AGGF1: variants seen among roughly 807,000 people sequenced by gnomAD.
AGGF1 encodes angiogenic factor with G-patch and FHA domains 1.
In AGGF1, 56 loss-of-function variants were observed where a neutral mutation model predicts 86.5. That is an observed-to-expected ratio of 0.65 (90% CI 0.52 to 0.81). The LOEUF (loss-of-function observed/expected upper bound fraction) is 0.81, where lower values mean the gene tolerates loss of function less well. Among genes scored for constraint, AGGF1 ranks in the 30% least tolerant of loss-of-function variants. The pLI, the probability that AGGF1 is intolerant of heterozygous loss-of-function variation, is 0.00. For synonymous variants in AGGF1, 313 were observed against 297.1 expected (o/e 1.05, Z -0.55); for missense variants, 816 against 850.9 (o/e 0.96, Z 0.51).
chr5:77,059,470 C>T (rs1191734404), intron 11 of AGGF1, 146 bp from the exon 12 acceptor site: 4 of 752,456 alleles, frequency 5.3e-6, no homozygotes, highest in African/African-American at 3.5e-5. Context: ...GCATGAGCCA[C>T]CTGTAATTTC....
intron 1 of AGGF1, among the ~76,000 whole-genome samples, chr5:77,033,737 G>A (rs10474486): frequency 0.16 from 23,850 of 152,196 alleles, 2,553 homozygotes; most frequent in Non-Finnish European, 0.21. Context: ...AGTAGACATT[G>A]TCTCACATTG....
chr5:77,058,085 C>T (rs757893328), intron 11 of AGGF1, among the ~76,000 whole-genome samples: 8 of 152,148 alleles, frequency 5.3e-5, no homozygotes, highest in Non-Finnish European at 1.0e-4. Context: ...GAGACAAGGA[C>T]ACTTTTGGGA....
chr5:77,059,897 A>G (rs1747524644), intron 12 of AGGF1, among the ~76,000 whole-genome samples, 154 bp downstream of exon 12: 1 of 152,208 alleles, frequency 6.6e-6, no homozygotes, highest in Non-Finnish European at 1.5e-5. Flanking sequence ...GCTGGAGTGC[A>G]GTGGTGTGGT....
chr5:77,052,696 A>G lies in AGGF1; in HGVS notation c.1366-10A>G, dbSNP rs1240710230. On this transcript the variant is annotated splice_polypyrimidine_tract_variant and intron_variant, in intron 8 of 13. Transcript: ENST00000312916. ...TAATAATTAATAATTGCTTGATTTC[A>G]CTTTCTAAGTTTCATGCAGAAATTT... The G allele has an allele frequency of 6.3e-7, 1 of 1,595,842 alleles. No individual in the cohort carries two copies. The highest frequency in any genetic ancestry group is 8.6e-7 in the Non-Finnish European group (1 of 1,164,084).
At chr5:77,042,480 CGGGCGGGGGGCTG>C (rs1747116750) in intron 5 of AGGF1, among the ~76,000 whole-genome samples, 1 of 62,042 alleles carries the variant, frequency 1.6e-5, no homozygotes, top group Non-Finnish European at 4.0e-5. Context: ...GGCGGCTGGC[CGGGCGGGGGGCTG>C]ACCCCCCCCA....
In AGGF1 at chr5:77,043,510, A is replaced by T. The variant is rs1747174448; in HGVS notation, c.871-2837A>T. ...GCTGACCCCCCCACCTCCCTCCCGG[A>T]CGGGGCGGCTGGCCGGGCGGGGGGC... On this transcript the variant is annotated intron_variant, in intron 5 of 13. Transcript: ENST00000312916. Among the ~76,000 whole-genome samples, 4 of 134,186 alleles carry T rather than the reference A, an allele frequency of 3.0e-5. No homozygotes were observed. In the South Asian group the frequency reaches 1.0e-3, roughly 35 times the overall value. 88.0% of individuals were successfully genotyped at this position (134,186 alleles called of 152,430 possible).
At chr5:77,059,934 C>T (rs184356592) in intron 12 of AGGF1, among the ~76,000 whole-genome samples, 191 bp downstream of exon 12, 449 of 152,130 alleles carry the variant, frequency 3.0e-3, no homozygotes, top group African/African-American at 0.01. Flanking sequence ...CTCCATCTCC[C>T]GGGTTCAGGC....
At chr5:77,056,691 T>C (rs1747467550) in intron 11 of AGGF1, among the ~76,000 whole-genome samples, 1 of 152,062 alleles carries the variant, frequency 6.6e-6, no homozygotes, top group Admixed American at 6.5e-5. Context: ...TTAAAACTTC[T>C]AGAAACTTTT....
Position 77,065,007 on chromosome 5 carries a change from C to T in AGGF1, c.*1755C>T, listed in dbSNP as rs188519238. On this transcript the variant is annotated 3_prime_UTR_variant, in exon 14 of 14. Transcript: ENST00000312916. ...TTTGCAGATCTAAAGTCTCAGGGTTCCACTATTAGTGGTTAAAGTACTGAA... is the reference window on the plus strand; with the variant it reads ...TTTGCAGATCTAAAGTCTCAGGGTTTCACTATTAGTGGTTAAAGTACTGAA... 1 of 152,126 alleles carries T rather than the reference C, an allele frequency of 6.6e-6. No homozygotes were observed. The highest frequency in any genetic ancestry group is 1.9e-4 in the East Asian group (1 of 5,182). 9.4% of individuals were successfully genotyped at this position (152,126 alleles called of 1,614,324 possible).
Position 77,030,931 on chromosome 5 carries a change from G to T in AGGF1, c.165G>T (p.Arg55=). ...EIEKLLHHTE[R]LYQNAESNNQ... Reference sequence around the variant, plus strand: ...AGAAGCTGCTGCATCACACAGAACGGCTGTACCAGAACGCAGAAAGCAACA... The same window carrying T: ...AGAAGCTGCTGCATCACACAGAACGTCTGTACCAGAACGCAGAAAGCAACA... The change falls in exon 1 of 14, where the codon CGG becomes CGT. Residue 55 remains arginine, a synonymous_variant. Transcript: ENST00000312916. 2 of 1,613,146 alleles carry T rather than the reference G, an allele frequency of 1.2e-6. No homozygotes were observed. Among genetic ancestry groups the T allele is most frequent in the Non-Finnish European group, 8.5e-7 (1 of 1,180,006 alleles).
chr5:77,034,213 A>C (rs1243255734), intron 1 of AGGF1, among the ~76,000 whole-genome samples: 1 of 152,204 alleles, frequency 6.6e-6, no homozygotes, highest in African/African-American at 2.4e-5. Context: ...TTTGGAGGAG[A>C]TATTTGGACA....
At chr5:77,049,810 A>G (rs1334413522) in intron 8 of AGGF1, among the ~76,000 whole-genome samples, 6 of 152,078 alleles carry the variant, frequency 3.9e-5, no homozygotes, top group African/African-American at 1.4e-4. Flanking sequence ...TCTGCCTCCC[A>G]AAGTGTTGGG....
chr5:77,049,025 G>T, intron 8 of AGGF1, 38 bp downstream of exon 8: 1 of 1,589,072 alleles, frequency 6.3e-7, no homozygotes, highest in Non-Finnish European at 8.6e-7. Context: ...TCCCCTAGAT[G>T]TAATTTTTTA....
intron 7 of AGGF1, among the ~76,000 whole-genome samples, chr5:77,048,506 C>T (rs1561288433): frequency 1.3e-5 from 2 of 152,174 alleles, no homozygotes; most frequent in Non-Finnish European, 2.9e-5. Flanking sequence ...CGTGCACCAC[C>T]ACGCCCAGCT....
At chr5:77,052,605 A>G in intron 8 of AGGF1, 101 bp from the exon 9 acceptor site, 1 of 785,450 alleles carries the variant, frequency 1.3e-6, no homozygotes, top group Non-Finnish European at 2.1e-6. Flanking sequence ...AATAAAATTT[A>G]AATTATCAAA....
At position 77,059,672 on chromosome 5, in the gene AGGF1, T is replaced by G. The variant is rs1425890265; in HGVS notation, c.1773T>G (p.Ala591=). Reference sequence around the variant, plus strand: ...AGAATCCAAAATATAAAGATAGAGCTGGAAAACGTAGGGAGCAGGTTGGAA... The same window carrying G: ...AGAATCCAAAATATAAAGATAGAGCGGGAAAACGTAGGGAGCAGGTTGGAA... ...TLKNPKYKDR[A]GKRREQVGSE... The change falls in exon 12 of 14, where the codon GCT becomes GCG. Residue 591 remains alanine (A), a synonymous_variant. Transcript: ENST00000312916. 6 of 1,613,624 alleles carry G rather than the reference T, an allele frequency of 3.7e-6. No individual in the cohort carries two copies. Among genetic ancestry groups the G allele is most frequent in the Non-Finnish European group, 5.1e-6 (6 of 1,179,598 alleles).
At chr5:77,037,454 A>ATCCTGTGCCTTTTAACTATTTCACTT (rs1746987351) in intron 4 of AGGF1, among the ~76,000 whole-genome samples, 5 of 152,194 alleles carry the variant, frequency 3.3e-5, no homozygotes, top group Non-Finnish European at 7.3e-5. Context: ...AGTGTTTTAT[A>ATCCTGTGCCTTTTAACTATTTCACTT]TCCTGTGCCT....
chr5:77,046,246 C>A (rs1417292895), intron 5 of AGGF1, 101 bp from the exon 6 acceptor site: 1 of 999,936 alleles, frequency 1.0e-6, no homozygotes, highest in Non-Finnish European at 1.6e-6. Flanking sequence ...TTTACTGACA[C>A]ATATCTTCAC....
intron 5 of AGGF1, among the ~76,000 whole-genome samples, chr5:77,041,398 C>G (rs1747077116): frequency 6.6e-6 from 1 of 151,950 alleles, no homozygotes; most frequent in African/African-American, 2.4e-5. Flanking sequence ...GAATCCCCGT[C>G]TCTACTAAAA....
Sources: gnomAD v4.1 joint callset for allele counts (sites outside exome capture counted in the v4.1 genomes callset) on GRCh38, gnomAD v4.1.1 for gene constraint, MANE v1.5 for transcripts, NCBI Gene and HGNC (gene_info 2026-07-23, HGNC 2026-07-21) for gene names.